Variants in ZNF680 observed in about 807,000 individuals in gnomAD.
ZNF680 encodes zinc finger protein 680.
ZNF680 carries 6 observed loss-of-function variants against 12.1 expected under a neutral mutation model. The ratio of observed to expected loss-of-function variants is 0.49; its 90% CI spans 0.27 to 0.98. The LOEUF (loss-of-function observed/expected upper bound fraction) is 0.98. ZNF680 is among the 50% of genes least tolerant of loss of function. The pLI is 0.12. For synonymous variants in ZNF680, 170 were observed against 199.3 expected (o/e 0.85, Z 1.24); for missense variants, 561 against 616.3 (o/e 0.91, Z 0.95).
At chr7:64,559,750 G>A (rs1787628368) in intron 1 of ZNF680, among the ~76,000 whole-genome samples, 1 of 152,080 alleles carries the variant, frequency 6.6e-6, no homozygotes, top group Admixed American at 6.5e-5. Flanking sequence ...CCAAAGTGCT[G>A]GGATTACAGG....
chr7:64,541,606 T>G (rs140580033), intron 3 of ZNF680, among the ~76,000 whole-genome samples: 4 of 147,262 alleles, frequency 2.7e-5, no homozygotes, highest in African/African-American at 1.0e-4. Context: ...CAGTCTAAGA[T>G]TAAGGAGTGT....
At chr7:64,553,242 T>A (rs898112733) in intron 1 of ZNF680, among the ~76,000 whole-genome samples, 2 of 152,204 alleles carry the variant, frequency 1.3e-5, no homozygotes, top group Non-Finnish European at 2.9e-5. Flanking sequence ...TCCACTGTTA[T>A]ATACTGAATC....
At chr7:64,519,453 T>C (rs1443491471), downstream of ZNF680, among the ~76,000 whole-genome samples, 1 of 151,722 alleles carries the variant, frequency 6.6e-6, no homozygotes, top group Admixed American at 6.6e-5. Context: ...TAAAAGTTGA[T>C]CTATCATTTG....
chr7:64,547,740 T>C (rs1415737949), intron 1 of ZNF680, among the ~76,000 whole-genome samples: 4 of 152,250 alleles, frequency 2.6e-5, no homozygotes, highest in African/African-American at 9.6e-5. Flanking sequence ...TTTACTTTTT[T>C]GTGGCTTATG....
chr7:64,532,098 G>A (rs947983507), intron 3 of ZNF680, among the ~76,000 whole-genome samples: 2 of 152,170 alleles, frequency 1.3e-5, no homozygotes, highest in African/African-American at 2.4e-5. Context: ...AAGGTCAGGC[G>A]ACTGAGACCA....
chr7:64,537,660 G>A (rs1461715984), intron 3 of ZNF680, among the ~76,000 whole-genome samples: 2 of 152,214 alleles, frequency 1.3e-5, no homozygotes, highest in Non-Finnish European at 2.9e-5. Flanking sequence ...AGGTGCGCTG[G>A]CTCACGCCTG....
intron 3 of ZNF680, among the ~76,000 whole-genome samples, chr7:64,527,377 T>A (rs1791919043): frequency 6.6e-6 from 1 of 152,084 alleles, no homozygotes; most frequent in Admixed American, 6.5e-5. Flanking sequence ...GCAATCATTT[T>A]AAAAATACAT....
chr7:64,553,494 T>A (rs1787194522), intron 1 of ZNF680, among the ~76,000 whole-genome samples: 1 of 150,234 alleles, frequency 6.7e-6, no homozygotes, highest in Non-Finnish European at 1.5e-5. Flanking sequence ...CAGTAGACAC[T>A]GGATTCAGGC....
intron 1 of ZNF680, among the ~76,000 whole-genome samples, chr7:64,547,513 A>G (rs577280728): frequency 6.6e-6 from 1 of 152,314 alleles, no homozygotes; most frequent in East Asian, 1.9e-4. Flanking sequence ...TTGTGCTGGG[A>G]AAAATACATT....
intron 1 of ZNF680, among the ~76,000 whole-genome samples, chr7:64,546,416 G>A (rs111693332): frequency 0.026 from 3,921 of 152,164 alleles, 102 homozygotes; most frequent in African/African-American, 0.056. Context: ...GAAGAGATTC[G>A]GGAACAATGA....
the ZNF680 span, among the ~76,000 whole-genome samples, chr7:64,508,123 G>GTGTATATATATATATATATA: frequency 9.3e-5 from 11 of 117,664 alleles, no homozygotes; most frequent in African/African-American, 4.2e-4. Flanking sequence ...ATTTTAAAAT[G>GTGTATATATATATATATATA]TATATATATA....
chr7:64,502,185 G>C, the ZNF680 span, among the ~76,000 whole-genome samples: 1 of 151,450 alleles, frequency 6.6e-6, no homozygotes, highest in African/African-American at 2.4e-5. Flanking sequence ...ATTTATTTTT[G>C]TATTTTAAGT....
chr7:64,535,356 G>A (rs956771814), intron 3 of ZNF680, among the ~76,000 whole-genome samples: 6 of 145,788 alleles, frequency 4.1e-5, no homozygotes, highest in African/African-American at 1.0e-4. Flanking sequence ...CTGACAGAGC[G>A]AGGCCACAAG....
the ZNF680 span, among the ~76,000 whole-genome samples, chr7:64,504,369 A>G: frequency 1.3e-5 from 2 of 152,166 alleles, no homozygotes; most frequent in African/African-American, 4.8e-5. Context: ...TATTTGGCTT[A>G]AAGTACTGGT....
At chr7:64,510,350 G>A in the ZNF680 span, among the ~76,000 whole-genome samples, 3 of 150,944 alleles carry the variant, frequency 2.0e-5, no homozygotes, top group South Asian at 2.1e-4. Flanking sequence ...CCCCCACCCC[G>A]CCACCTTTTT....
At chr7:64,556,971 A>G (rs939504045) in intron 1 of ZNF680, among the ~76,000 whole-genome samples, 1 of 152,218 alleles carries the variant, frequency 6.6e-6, no homozygotes, top group African/African-American at 2.4e-5. Context: ...ATAAGGCGGG[A>G]CGGGTACAGT....
chr7:64,540,271 A>T, intron 3 of ZNF680, among the ~76,000 whole-genome samples: 1 of 150,892 alleles, frequency 6.6e-6, no homozygotes, highest in African/African-American at 2.4e-5. Flanking sequence ...ACATATACAA[A>T]CTGATTGTGA....
At chr7:64,501,418 C>T in the ZNF680 span, 3 of 1,080,640 alleles carry the variant, frequency 2.8e-6, no homozygotes, top group South Asian at 1.2e-5. Flanking sequence ...TAAGAAGGAA[C>T]TGACCCAGAT....
chr7:64,516,092 C>T (rs551429683), downstream of ZNF680, among the ~76,000 whole-genome samples: 10 of 152,300 alleles, frequency 6.6e-5, no homozygotes, highest in East Asian at 1.2e-3. Context: ...ATTCCTAGTC[C>T]ATAATAACCC....
Sources: allele counts gnomAD v4.1 joint callset (sites outside exome capture counted in the v4.1 genomes callset), GRCh38; gene constraint gnomAD v4.1.1; transcripts MANE v1.5; gene names NCBI Gene and HGNC (gene_info 2026-07-23, HGNC 2026-07-21).